The following DDX60 variants were observed in gnomAD, a reference collection of about 807,000 sequenced individuals.
The protein encoded by DDX60 is DExD/H-box helicase 60.
In DDX60, 165 loss-of-function variants were observed where a neutral mutation model predicts 212.8. That is an observed-to-expected ratio of 0.78 (90% CI 0.68 to 0.88). The LOEUF (loss-of-function observed/expected upper bound fraction) is 0.88, where lower values mean the gene tolerates loss of function less well. Among genes scored for constraint, DDX60 ranks in the 40% least tolerant of loss-of-function variants. The pLI, the probability that DDX60 is intolerant of heterozygous loss-of-function variation, is 0.00. For synonymous variants in DDX60, 703 were observed against 685.3 expected, an observed-to-expected ratio of 1.03 and a Z score of -0.40; for missense variants, 1,905 against 2,003.9, an observed-to-expected ratio of 0.95 and a Z score of 0.94.
chr4:168,242,316 C>G (rs974883383), intron 30 of DDX60, among the ~76,000 whole-genome samples: 1 of 152,190 alleles, frequency 6.6e-6, no homozygotes. Context: ...GGACCCCCAC[C>G]CTCCAGACCC....
intron 10 of DDX60, 65 bp downstream of exon 10, chr4:168,286,983 G>A (rs1157824347): frequency 8.0e-7 from 1 of 1,249,210 alleles, no homozygotes; most frequent in East Asian, 2.4e-5. Context: ...CTGAATTAGT[G>A]GTGTTTCCTA....
chr4:168,264,523 T>C (rs920892756), intron 22 of DDX60, among the ~76,000 whole-genome samples: 3 of 142,412 alleles, frequency 2.1e-5, no homozygotes, highest in African/African-American at 8.3e-5. Flanking sequence ...AATTTTAAAA[T>C]ATAAATCTTC....
rs76000969 is a variant in DDX60, at chr4:168,276,681, C to T, written c.1979-500G>A. 5.8e-3 allele frequency among the ~76,000 whole-genome samples: 880 copies of T among 152,258 alleles called. 6 individuals carry two copies. The highest frequency in any genetic ancestry group is 0.02 in the African/African-American group (849 of 41,548). On this transcript the variant is annotated intron_variant, in intron 14 of 37. Transcript: ENST00000393743. The stretch of plus-strand genomic sequence containing the variant: ...AGATGTTGCTAATCTCTCTCCATTG[C>T]TTTATATTCATACATACCCTTTTTG...
rs1439312035 is a variant in DDX60 at position 168,220,640 on chromosome 4, A to T, written c.5039+15T>A. ...ATTAAAAAATCTAAAATCAATATTTAAATATATAACACACCTGATAGATTT... is the reference window on the plus strand; with the variant it reads ...ATTAAAAAATCTAAAATCAATATTTTAATATATAACACACCTGATAGATTT... On this transcript the variant is annotated intron_variant, in intron 37 of 37. Transcript: ENST00000393743. The T allele has an allele frequency of 7.6e-7, 1 of 1,308,492 alleles. No individual in the cohort carries two copies. The highest frequency in any genetic ancestry group is 1.0e-6 in the Non-Finnish European group (1 of 959,556). 81.1% of individuals were successfully genotyped at this position (1,308,492 alleles called of 1,614,324 possible). A position where few individuals can be genotyped will look rare whatever the true frequency, so the allele number is the denominator to read the frequency against.
At chr4:168,283,746 C>T (rs1023920788) in intron 12 of DDX60, 140 bp from the exon 13 acceptor site, 37 of 639,332 alleles carry the variant, frequency 5.8e-5, no homozygotes, top group South Asian at 1.1e-4. Flanking sequence ...AAAGAGAGAA[C>T]GTAAAATCAA....
chr4:168,268,429 A>T (rs564220154), intron 20 of DDX60, among the ~76,000 whole-genome samples: 19 of 152,306 alleles, frequency 1.2e-4, no homozygotes, highest in African/African-American at 4.6e-4. Flanking sequence ...ATCAAGCCCA[A>T]TGACAAGATA....
At chr4:168,255,541 T>C (rs1734369556) in intron 26 of DDX60, among the ~76,000 whole-genome samples, 170 bp downstream of exon 26, 1 of 152,182 alleles carries the variant, frequency 6.6e-6, no homozygotes, top group Non-Finnish European at 1.5e-5. Context: ...AATGTACAAT[T>C]ATGGTCACTC....
At chr4:168,298,989 C>T (rs576238881) in intron 6 of DDX60, among the ~76,000 whole-genome samples, 10 of 151,670 alleles carry the variant, frequency 6.6e-5, no homozygotes, top group South Asian at 4.2e-4. Context: ...GGTGAAATCC[C>T]GTCTCTACTA....
intron 6 of DDX60, among the ~76,000 whole-genome samples, chr4:168,301,848 T>C (rs1736660000): frequency 6.6e-6 from 1 of 152,240 alleles, no homozygotes; most frequent in Non-Finnish European, 1.5e-5. Flanking sequence ...CCAACTTAAC[T>C]AATGCTCAGA....
chr4:168,281,248 G>T (rs1579044168), intron 13 of DDX60, among the ~76,000 whole-genome samples: 1 of 152,016 alleles, frequency 6.6e-6, no homozygotes, highest in East Asian at 1.9e-4. Context: ...CTCTGGAATC[G>T]CCTGTCCTCT....
At chr4:168,261,630 C>G (rs1310936599) in intron 24 of DDX60, among the ~76,000 whole-genome samples, 2 of 152,142 alleles carry the variant, frequency 1.3e-5, no homozygotes, top group African/African-American at 2.4e-5. Flanking sequence ...GGACAATAAA[C>G]TGCAAGTCAA....
intron 7 of DDX60, 22 bp from the exon 8 acceptor site, chr4:168,291,928 T>C (rs756526117): frequency 4.0e-5 from 63 of 1,586,326 alleles, no homozygotes; most frequent in Admixed American, 3.4e-4. Flanking sequence ...AAAGAAGGTA[T>C]AAGCCAGAGA....
chr4:168,301,564 T>C (rs1342333277), intron 6 of DDX60, among the ~76,000 whole-genome samples: 2 of 151,982 alleles, frequency 1.3e-5, no homozygotes, highest in African/African-American at 4.8e-5. Flanking sequence ...AAAATAAATA[T>C]ATTTATCCAT....
At chr4:168,317,132 T>C (rs1737429652) in intron 1 of DDX60, among the ~76,000 whole-genome samples, 1 of 150,532 alleles carries the variant, frequency 6.6e-6, no homozygotes, top group Admixed American at 6.6e-5. Context: ...GTAGTAATGA[T>C]TAATTTACAA....
chr4:168,252,375 A>G, intron 27 of DDX60, 134 bp downstream of exon 27: 6 of 1,054,594 alleles, frequency 5.7e-6, no homozygotes, highest in Non-Finnish European at 6.9e-6. Context: ...GCTAAAGGAG[A>G]GTTCTCTTTT....
Position 168,288,326 on chromosome 4 carries a change from A to T in DDX60, c.1042-11T>A. 2 of 1,451,696 alleles carry T rather than the reference A, an allele frequency of 1.4e-6. No individual in the cohort carries two copies. Among genetic ancestry groups the T allele is most frequent in the Non-Finnish European group, 1.9e-6 (2 of 1,062,492 alleles). The allele number at this position is 1,451,696 out of a possible 1,614,324, so 89.9% of individuals were successfully genotyped here. A position where few individuals can be genotyped will look rare whatever the true frequency, so the allele number is the denominator to read the frequency against. Reference sequence around the variant, plus strand: ...TTCACACCACTTTTTCTGAAAATTGAAAAGAAAACCAAGTTATTGGCAATA... The same window carrying T: ...TTCACACCACTTTTTCTGAAAATTGTAAAGAAAACCAAGTTATTGGCAATA... On this transcript the variant is annotated splice_polypyrimidine_tract_variant and intron_variant, in intron 8 of 37. Coordinates refer to ENST00000393743, the MANE Select transcript of DDX60 (RefSeq NM_017631.6).
intron 5 of DDX60, among the ~76,000 whole-genome samples, chr4:168,304,180 T>C (rs923572183): frequency 1.3e-5 from 2 of 152,176 alleles, no homozygotes; most frequent in Non-Finnish European, 2.9e-5. Flanking sequence ...TAAGGAGCTA[T>C]TCCAGAAGAA....
At chr4:168,225,294 T>A (rs1733212409) in intron 34 of DDX60, among the ~76,000 whole-genome samples, 1 of 152,072 alleles carries the variant, frequency 6.6e-6, no homozygotes, top group African/African-American at 2.4e-5. Context: ...TTTTCCAGGC[T>A]TGACCCTGAA....
At chr4:168,316,518 C>A (rs1001339407) in intron 1 of DDX60, among the ~76,000 whole-genome samples, 1 of 151,794 alleles carries the variant, frequency 6.6e-6, no homozygotes, top group African/African-American at 2.4e-5. Flanking sequence ...CATCTGAAGA[C>A]AATATATGAA....
Sources: gnomAD v4.1 joint callset for allele counts (sites outside exome capture counted in the v4.1 genomes callset) on GRCh38, gnomAD v4.1.1 for gene constraint, MANE v1.5 for transcripts, NCBI Gene and HGNC (gene_info 2026-07-23, HGNC 2026-07-21) for gene names.